Variants in ZNF584 observed in about 807,000 individuals in gnomAD.
ZNF584 encodes zinc finger protein 584.
ZNF584 carries 12 observed loss-of-function variants against 14.7 expected under a neutral mutation model. The observed-to-expected ratio is 0.82, with a 90% CI of 0.52 to 1.32. ZNF584 has a LOEUF of 1.32. Among genes scored for constraint, ZNF584 ranks in the 40% most tolerant of loss-of-function variants. The pLI is 0.00. For synonymous variants in ZNF584, 204 were observed against 190.9 expected, an observed-to-expected ratio of 1.07 and a Z score of -0.57; for missense variants, 478 against 518.8, an observed-to-expected ratio of 0.92 and a Z score of 0.76.
Position 58,415,536 on chromosome 19 carries a change from C to T in ZNF584, c.182C>T (p.Ser61Leu), listed in dbSNP as rs550226776. Reference protein sequence around the residue: ...ALVSSLGLAPSRSPVFTQLED... With the variant: ...ALVSSLGLAPLRSPVFTQLED... ...CTGTCACCCGCAGGACTTGCACCTT[C>T]GAGATCCCCTGTGTTTACCCAGCTG... Residue 61 changes from serine (S) to leucine (L), a missense_variant, in exon 3 of 4, where the codon TCG becomes TTG. This residue lies in a region of ZNF584 where 189 missense variants were observed against 177.9 expected (regional missense o/e 1.06). Transcript: ENST00000306910. 9.9e-6 allele frequency: 16 copies of T among 1,612,944 alleles called. No individual in the cohort carries two copies. The highest frequency in any genetic ancestry group is 8.8e-5 in the South Asian group (8 of 90,970).
At chr19:58,410,475 G>A (rs71355845) in intron 2 of ZNF584, among the ~76,000 whole-genome samples, 30 of 145,496 alleles carry the variant, frequency 2.1e-4, no homozygotes, top group African/African-American at 7.4e-4. Context: ...GGACCTCCCT[G>A]GGCCAGGCTT....
chr19:58,404,737 C>T (rs1599941827), upstream of ZNF584: 2 of 218,802 alleles, frequency 9.1e-6, no homozygotes, highest in South Asian at 5.0e-5. Flanking sequence ...CCGTTCTCAA[C>T]GAGCTGTTGG....
chr19:58,408,190 G>A (rs34188294), upstream of ZNF584: 25,649 of 152,268 alleles, frequency 0.17, 2,372 homozygotes, highest in Non-Finnish European at 0.21. Flanking sequence ...TCCGGGCTCC[G>A]TAAAGCGGAC....
At chr19:58,415,480 G>A in intron 2 of ZNF584, 44 bp from the exon 3 acceptor site, 5 of 1,585,510 alleles carry the variant, frequency 3.2e-6, no homozygotes, top group African/African-American at 1.3e-5. Context: ...ACAGGCATCA[G>A]CCACCATGCC....
chr19:58,403,399 A>G (rs568223941), intron 1 of ZNF584, among the ~76,000 whole-genome samples: 1 of 152,160 alleles, frequency 6.6e-6, no homozygotes, highest in Non-Finnish European at 1.5e-5. Context: ...CACATTGGTA[A>G]GTGACAGAAG....
intron 2 of ZNF584, among the ~76,000 whole-genome samples, chr19:58,414,012 G>A (rs149513825): frequency 0.014 from 2,108 of 151,616 alleles, 36 homozygotes; most frequent in South Asian, 0.039. Flanking sequence ...TAGTAGAGAC[G>A]GGGCTTCACT....
chr19:58,409,202 A>C (rs1599945920), intron 1 of ZNF584, 37 bp downstream of exon 1: 2 of 1,404,054 alleles, frequency 1.4e-6, no homozygotes, highest in Non-Finnish European at 1.9e-6. Flanking sequence ...GAGGGGGCCC[A>C]CCAGGTGGGG....
In ZNF584 at chr19:58,410,549, A is replaced by ATATATG. The variant is rs1568584402; in HGVS notation, c.169+463_169+464insGTATAT. ...TATATATATATATATATATATATAT[A>ATATATG]TATATATATGTGTATATATATATGT... On this transcript the variant is annotated intron_variant, in intron 2 of 3. Coordinates refer to ENST00000306910, the MANE Select transcript of ZNF584 (RefSeq NM_173548.3). Among the ~76,000 whole-genome samples the ATATATG allele has an allele frequency of 2.3e-3, 72 of 31,562 alleles. 21 individuals are homozygous for ATATATG. The highest frequency in any genetic ancestry group is 0.018 in the African/African-American group (71 of 4,046). The allele number at this position is 31,562 out of a possible 152,430, so 20.7% of individuals were successfully genotyped here.
rs760175010 is a variant in ZNF584, at chr19:58,417,028, G to A, written c.510G>A (p.Lys170=). The A allele has an allele frequency of 6.2e-7, 1 of 1,610,908 alleles. No individual in the cohort carries two copies. The highest frequency in any genetic ancestry group is 1.1e-5 in the South Asian group (1 of 90,690). Residue 170 remains lysine (K), a synonymous_variant, in exon 4 of 4, where the codon AAG becomes AAA. Coordinates refer to ENST00000306910, the MANE Select transcript of ZNF584 (RefSeq NM_173548.3). ...KCSDCGKVFL[K]AFALLDHLIT... is the part of the protein sequence containing the mutation. ...GTGACTGTGGGAAGGTGTTCTTAAA[G>A]GCCTTTGCCCTCCTTGACCATCTGA... is the stretch of plus-strand genomic sequence containing the variant.
chr19:58,418,120 C>T lies in ZNF584; in HGVS notation c.*336C>T. On this transcript the variant is annotated 3_prime_UTR_variant, in exon 4 of 4. Transcript: ENST00000306910. ...TGGAGCCCAAAACAGGCCTCATTCC[C>T]TACCCTTGACTGGTTTAGCTGTGGA... 3.7e-6 allele frequency: 1 copy of T among 267,988 alleles called. No individual in the cohort carries two copies. Among genetic ancestry groups the T allele is most frequent in the Admixed American group, 4.9e-5 (1 of 20,530 alleles). 16.6% of individuals were successfully genotyped at this position (267,988 alleles called of 1,614,324 possible). A position where few individuals can be genotyped will look rare whatever the true frequency, so the allele number is the denominator to read the frequency against.
intron 1 of ZNF584, among the ~76,000 whole-genome samples, chr19:58,409,623 G>A (rs1315361017): frequency 6.6e-6 from 1 of 152,190 alleles, no homozygotes; most frequent in Non-Finnish European, 1.5e-5. Context: ...AGGAGATAGA[G>A]TGGAGCCTGT....
chr19:58,407,606 G>GA (rs1265815900), upstream of ZNF584, among the ~76,000 whole-genome samples: 2 of 152,112 alleles, frequency 1.3e-5, no homozygotes, highest in Non-Finnish European at 2.9e-5. Context: ...AAGAACAGAG[G>GA]AAAAAAACCA....
intron 2 of ZNF584, among the ~76,000 whole-genome samples, chr19:58,414,160 T>C (rs2052611259): frequency 6.6e-6 from 1 of 152,072 alleles, no homozygotes; most frequent in African/African-American, 2.4e-5. Flanking sequence ...CTTGTAATTG[T>C]CATGTGATTT....
upstream of ZNF584, chr19:58,405,834 C>G (rs937996814): frequency 1.2e-5 from 2 of 161,928 alleles, no homozygotes; most frequent in African/African-American, 4.9e-5. Context: ...GGATGGCGGC[C>G]GGGCAGAGAC....
intron 2 of ZNF584, among the ~76,000 whole-genome samples, chr19:58,410,627 ATATATGTG>A (rs1160316386): frequency 4.3e-5 from 2 of 46,312 alleles, no homozygotes; most frequent in Non-Finnish European, 7.3e-5. Context: ...ATATATGTGT[ATATATGTG>A]TATATATATG....
chr19:58,413,512 ATT>A (rs766038598), intron 2 of ZNF584, among the ~76,000 whole-genome samples: 9 of 135,854 alleles, frequency 6.6e-5, no homozygotes, highest in Non-Finnish European at 6.4e-5. Context: ...TGCCTGGCTA[ATT>A]TTTTTTTTTT....
chr19:58,404,708 C>T (rs750268744), upstream of ZNF584: 5 of 225,264 alleles, frequency 2.2e-5, no homozygotes, highest in Non-Finnish European at 3.5e-5. Context: ...TTCCACAAAA[C>T]CGCCATTGTC....
chr19:58,415,795 T>G (rs775284365), intron 3 of ZNF584, 149 bp downstream of exon 3: 17 of 1,608,498 alleles, frequency 1.1e-5, no homozygotes, highest in Non-Finnish European at 1.4e-5. Flanking sequence ...CTGTGCAGTC[T>G]GCCATCTCTA....
In ZNF584 at chr19:58,410,060, G is replaced by A. The variant is rs2052524128; in HGVS notation, c.138G>A (p.Met46Ile). The change falls in exon 2 of 4, where the codon ATG becomes ATA. Residue 46 changes from methionine to isoleucine, a missense_variant. Transcript: ENST00000306910. The stretch of plus-strand genomic sequence containing the variant: ...AGAAGGGCCTATACCGGGATGTGAT[G>A]CTGGAGAACTTTGCACTCGTTAGCT... ...VTQKGLYRDV[M>I]LENFALVSSL... 1 of 1,613,288 alleles carries A rather than the reference G, an allele frequency of 6.2e-7. No individual in the cohort carries two copies.
Sources: gnomAD v4.1 joint callset for allele counts (sites outside exome capture counted in the v4.1 genomes callset) on GRCh38, gnomAD v4.1.1 for gene constraint, gnomAD v4.1.1 regional missense constraint, MANE v1.5 for transcripts, NCBI Gene and HGNC (gene_info 2026-07-23, HGNC 2026-07-21) for gene names.